RDM1: variants seen among roughly 807,000 people sequenced by gnomAD.
RDM1 encodes RAD52 motif-containing protein 1.
In RDM1, 28 loss-of-function variants were observed where a neutral mutation model predicts 27.7. The observed-to-expected ratio is 1.01, with a 90% CI of 0.75 to 1.39. RDM1 has a LOEUF of 1.39. Ranked by LOEUF, RDM1 falls within the 40% of genes most tolerant of loss-of-function variation. The probability of loss-of-function intolerance (pLI) is 0.00; values close to 1 mark genes in which losing one functional copy is unlikely to be tolerated. For synonymous variants in RDM1, 124 were observed against 127.5 expected, an observed-to-expected ratio of 0.97 and a Z score of 0.19; for missense variants, 277 against 337.3, an observed-to-expected ratio of 0.82 and a Z score of 1.40.
intron 2 of RDM1, among the ~76,000 whole-genome samples, chr17:35,928,001 T>C (rs1463110237): frequency 9.9e-5 from 15 of 151,994 alleles, no homozygotes; most frequent in Admixed American, 9.2e-4. Context: ...TTGAAGAGGG[T>C]GTTGAACAGG....
At chr17:35,926,082 C>T (rs377069506) in intron 2 of RDM1, among the ~76,000 whole-genome samples, 8 of 150,638 alleles carry the variant, frequency 5.3e-5, no homozygotes, top group East Asian at 2.0e-4. Flanking sequence ...TGCAGTGAGC[C>T]GAGATGGTGC....
In RDM1 at chr17:35,924,618, TC is replaced by T; in HGVS notation, c.553del (p.Asp185IlefsTer12). On this transcript the variant is annotated frameshift_variant, in exon 4 of 7. Coordinates refer to ENST00000620284, the MANE Select transcript of RDM1 (RefSeq NM_145654.4). LOFTEE classifies it high-confidence loss of function. ...PGIGLVEEPM[D>X]KVEEGPLSFL... ...TGAAAACAGACCTTCCTCCACCTTA[TC>T]CATAGGCTCCTCCACCAAGCCAATG... 1 of 1,613,620 alleles carries T rather than the reference TC, an allele frequency of 6.2e-7. No individual in the cohort carries two copies. Among genetic ancestry groups the T allele is most frequent in the Non-Finnish European group, 8.5e-7 (1 of 1,179,662 alleles).
At chr17:35,930,440 G>A in intron 1 of RDM1, 185 bp from the exon 2 acceptor site, 1 of 926,238 alleles carries the variant, frequency 1.1e-6, no homozygotes, top group Non-Finnish European at 1.6e-6. Context: ...ACGTTCTGAA[G>A]GTGGAGAGAT....
chr17:35,925,757 G>T, intron 2 of RDM1, 120 bp from the exon 3 acceptor site: 1 of 1,137,762 alleles, frequency 8.8e-7, no homozygotes, highest in Non-Finnish European at 1.3e-6. Flanking sequence ...TTCCCATTCA[G>T]TAGTTCCTGC....
chr17:35,922,884 A>G (rs2088996356), intron 4 of RDM1, among the ~76,000 whole-genome samples: 1 of 152,126 alleles, frequency 6.6e-6, no homozygotes, highest in African/African-American at 2.4e-5. Flanking sequence ...GAAGTTCCTG[A>G]GGTACTAGAA....
rs140785845 is a variant in RDM1, at chr17:35,925,568, C to G, written c.346G>C (p.Glu116Gln). 2.9e-5 allele frequency: 46 copies of G among 1,614,034 alleles called. No homozygotes were observed. The African/African-American group carries it at 6.0e-4, about 21-fold the overall frequency. The stretch of plus-strand genomic sequence containing the variant: ...AAACCAAAGTAGTAATTCGCCAGTT[C>G]TTGGCATTTGGAACTGTTCAGGGCA... ...ALALNSSKCQ[E>Q]LANYYFGFNG... is the part of the protein sequence containing the mutation. The change falls in exon 3 of 7, where the codon GAA becomes CAA. Residue 116 changes from glutamate to glutamine, a missense_variant. Transcript: ENST00000620284.
intron 2 of RDM1, among the ~76,000 whole-genome samples, chr17:35,927,448 A>C (rs1461815193): frequency 3.9e-5 from 6 of 152,176 alleles, no homozygotes; most frequent in Non-Finnish European, 8.8e-5. Context: ...TCAAAAAAAC[A>C]AAACGAAAAA....
At chr17:35,928,720 C>G (rs1245891051) in intron 2 of RDM1, among the ~76,000 whole-genome samples, 4 of 151,308 alleles carry the variant, frequency 2.6e-5, no homozygotes, top group Non-Finnish European at 5.9e-5. Flanking sequence ...TGAGATCACA[C>G]CATTGCACTC....
In RDM1 at chr17:35,930,525, T is replaced by C. The variant is rs370642067; in HGVS notation, c.96+107A>G. On this transcript the variant is annotated intron_variant, in intron 1 of 6. Coordinates refer to ENST00000620284, the MANE Select transcript of RDM1 (RefSeq NM_145654.4). ...GGATCCCCTTTATAATTAAGAGTCC[T>C]TCAGCGGAGGCTCAGGCAGGTGAGG... 3.6e-4 allele frequency: 393 copies of C among 1,103,876 alleles called. No individual in the cohort carries two copies. The African/African-American group carries it at 5.3e-3, about 15-fold the overall frequency. The allele number at this position is 1,103,876 out of a possible 1,614,324, so 68.4% of individuals were successfully genotyped here.
chr17:35,922,228 A>C (rs2088969005), intron 5 of RDM1: 1 of 208,356 alleles, frequency 4.8e-6, no homozygotes, highest in South Asian at 1.4e-4. Flanking sequence ...GCCTAATTGC[A>C]TTAAAAATCT....
chr17:35,922,619 C>G lies in RDM1; in HGVS notation c.625G>C (p.Ala209Pro). ...KTAQKLAIQK[A>P]LSDAFQKLLI... ...AGTTTCTGGAATGCATCTGACAAAG[C>G]CTTCTGAATAGCAAGCTTCTGGGCT... is the stretch of plus-strand genomic sequence containing the variant. Residue 209 changes from alanine (A) to proline (P), a missense_variant, in exon 5 of 7, where the codon GCT (alanine) becomes CCT (proline). Ala to Pro is a conservative substitution (Grantham distance 27). Transcript: ENST00000620284. 6.2e-7 allele frequency: 1 copy of G among 1,611,604 alleles called. No homozygotes were observed. Among genetic ancestry groups the G allele is most frequent in the Non-Finnish European group, 8.5e-7 (1 of 1,179,770 alleles).
At chr17:35,920,063 T>C (rs2088885165) in intron 6 of RDM1, 124 bp downstream of exon 6, 1 of 554,848 alleles carries the variant, frequency 1.8e-6, no homozygotes, top group South Asian at 2.1e-5. Flanking sequence ...TACTCTGCAC[T>C]CAAAAGTAGT....
At chr17:35,926,816 G>A (rs781485275) in intron 2 of RDM1, among the ~76,000 whole-genome samples, 60 of 152,044 alleles carry the variant, frequency 3.9e-4, no homozygotes, top group Non-Finnish European at 6.8e-4. Context: ...CCAGAACTAA[G>A]CATAGTTCTT....
In RDM1 at chr17:35,930,264, G is replaced by A. The variant is rs577071383; in HGVS notation, c.97-9C>T. 6.2e-7 allele frequency: 1 copy of A among 1,614,086 alleles called. No individual in the cohort carries two copies. The highest frequency in any genetic ancestry group is 1.3e-5 in the African/African-American group (1 of 75,046). On this transcript the variant is annotated splice_polypyrimidine_tract_variant and intron_variant, in intron 1 of 6. Transcript: ENST00000620284. ...GCTGTGAACAGAGAATGCTGTGGGG[G>A]TGGGACAAGTAAATGCATGAAATCT...
chr17:35,921,413 T>C (rs2088939917), intron 5 of RDM1, among the ~76,000 whole-genome samples: 1 of 152,242 alleles, frequency 6.6e-6, no homozygotes, highest in Non-Finnish European at 1.5e-5. Flanking sequence ...CCTTTAGGGC[T>C]GTGAAGCAGA....
intron 3 of RDM1, 22 bp downstream of exon 3, chr17:35,925,492 GA>G (rs1281065809): frequency 3.1e-6 from 5 of 1,610,384 alleles, no homozygotes; most frequent in Admixed American, 3.3e-5. Context: ...TGTGGTAAGT[GA>G]AAAAAAATCT....
intron 2 of RDM1, among the ~76,000 whole-genome samples, chr17:35,927,883 T>C (rs2089203465): frequency 6.6e-6 from 1 of 152,210 alleles, no homozygotes; most frequent in South Asian, 2.1e-4. Context: ...ACCTTTATAA[T>C]ATTTGAGTGG....
Position 35,918,112 on chromosome 17 carries a change from G to A in RDM1, c.*230C>T. ...AGGCAACCTTTATTAAGTTCCGTTC[G>A]AGATCCGCTCCTCGTCACCAGGGCG... On this transcript the variant is annotated 3_prime_UTR_variant, in exon 7 of 7. Transcript: ENST00000620284. 1 of 581,578 alleles carries A rather than the reference G, an allele frequency of 1.7e-6. No individual in the cohort carries two copies. The highest frequency in any genetic ancestry group is 2.8e-5 in the East Asian group (1 of 35,604). The allele number at this position is 581,578 out of a possible 1,614,324, so 36.0% of individuals were successfully genotyped here.
At chr17:35,926,027 G>A (rs1268384816) in intron 2 of RDM1, among the ~76,000 whole-genome samples, 5 of 151,968 alleles carry the variant, frequency 3.3e-5, no homozygotes, top group African/African-American at 9.7e-5. Context: ...CCAGCTACTC[G>A]GGAGGCTGAG....
Sources: allele counts gnomAD v4.1 joint callset (sites outside exome capture counted in the v4.1 genomes callset), GRCh38; gene constraint gnomAD v4.1.1; transcripts MANE v1.5; gene names NCBI Gene and HGNC (gene_info 2026-07-23, HGNC 2026-07-21).